The following SLC28A2 variants were observed in gnomAD, a reference collection of about 807,000 sequenced individuals.
SLC28A2 encodes sodium/nucleoside cotransporter 2.
In SLC28A2, 69 loss-of-function variants were observed where a neutral mutation model predicts 72.9. That is an observed-to-expected ratio of 0.95 (90% CI 0.78 to 1.16). The LOEUF (loss-of-function observed/expected upper bound fraction) is 1.16. Ranked by LOEUF, SLC28A2 falls within the 50% of genes most tolerant of loss-of-function variation. The pLI is 0.00. For synonymous variants in SLC28A2, 296 were observed against 294.1 expected (o/e 1.01, Z -0.07); for missense variants, 745 against 791.1 (o/e 0.94, Z 0.70).
chr15:45,272,031 C>G, intron 15 of SLC28A2: 1 of 396,974 alleles, frequency 2.5e-6, no homozygotes, highest in South Asian at 4.2e-5. Flanking sequence ...CCAGATACAT[C>G]TTGGGTATGT....
intron 3 of SLC28A2, among the ~76,000 whole-genome samples, chr15:45,257,265 G>A (rs1900005825): frequency 6.6e-6 from 1 of 152,058 alleles, no homozygotes; most frequent in Non-Finnish European, 1.5e-5. Context: ...ACTGGCCCCA[G>A]TACTAAAAGG....
intron 17 of SLC28A2, among the ~76,000 whole-genome samples, chr15:45,273,018 G>C (rs1316287619): frequency 6.6e-6 from 1 of 152,146 alleles, no homozygotes; most frequent in East Asian, 1.9e-4. Context: ...GAAGAAAAAT[G>C]GTTTCCCTGA....
Position 45,262,085 on chromosome 15 carries a change from C to T in SLC28A2, c.241C>T (p.Leu81=). ...ACACGCCAGCTTGTTCAAGAAGATC[C>T]TGTTGGGCCTGTTGTGTTTGGGTGA... ...KTHASLFKKI[L]LGLLCLAYAA... The change falls in exon 4 of 18, where the codon CTG becomes TTG. Residue 81 remains leucine, a synonymous_variant. Coordinates refer to ENST00000347644, the MANE Select transcript of SLC28A2 (RefSeq NM_004212.4). The T allele has an allele frequency of 6.2e-7, 1 of 1,610,646 alleles. No homozygotes were observed. The highest frequency in any genetic ancestry group is 8.5e-7 in the Non-Finnish European group (1 of 1,177,038).
intron 15 of SLC28A2, chr15:45,272,020 T>A (rs1900587721): frequency 2.7e-6 from 1 of 364,556 alleles, no homozygotes; most frequent in Non-Finnish European, 5.0e-6. Context: ...CCTTGCTTTA[T>A]CCAGATACAT....
chr15:45,266,619 G>A (rs1900345659), intron 10 of SLC28A2, among the ~76,000 whole-genome samples: 1 of 152,188 alleles, frequency 6.6e-6, no homozygotes, highest in South Asian at 2.1e-4. Context: ...TCTGTATGGA[G>A]TAGGTGCTCC....
chr15:45,256,634 C>T (rs888052235), intron 3 of SLC28A2, among the ~76,000 whole-genome samples: 1 of 151,352 alleles, frequency 6.6e-6, no homozygotes, highest in Non-Finnish European at 1.5e-5. Flanking sequence ...GTCTTGAACT[C>T]CTGACCTCAG....
chr15:45,269,490 C>G lies in SLC28A2; in HGVS notation c.1521C>G (p.Leu507=), dbSNP rs548591274. ...QQLSQYKNKR[L]SGMEEWIEGE... is the part of the protein sequence containing the mutation. ...TGTCTCAATACAAGAACAAACGTCTCTCTGGAATGGAGGAGTGGATTGAGG... is the reference window on the plus strand; with the variant it reads ...TGTCTCAATACAAGAACAAACGTCTGTCTGGAATGGAGGAGTGGATTGAGG... The change falls in exon 14 of 18, where the codon CTC becomes CTG. Residue 507 remains leucine (L), a synonymous_variant. Coordinates refer to ENST00000347644, the MANE Select transcript of SLC28A2 (RefSeq NM_004212.4). 2.5e-6 allele frequency: 4 copies of G among 1,614,184 alleles called. No individual in the cohort carries two copies. The African/African-American group carries it at 5.3e-5, about 22-fold the overall frequency.
At chr15:45,271,698 T>C (rs556042982) in intron 15 of SLC28A2, 1 of 152,184 alleles carries the variant, frequency 6.6e-6, no homozygotes, top group African/African-American at 2.4e-5. Context: ...TGGGGTAGAG[T>C]CATTTAATTC....
chr15:45,265,195 TG>T (rs773341658), intron 8 of SLC28A2, 29 bp downstream of exon 8: 1 of 1,400,998 alleles, frequency 7.1e-7, no homozygotes, highest in Non-Finnish European at 1.0e-6. Flanking sequence ...GCAGGAATGA[TG>T]GTCTATGGAG....
chr15:45,265,574 T>A lies in SLC28A2; in HGVS notation c.781-9T>A. On this transcript the variant is annotated splice_polypyrimidine_tract_variant and intron_variant, in intron 8 of 17. Coordinates refer to ENST00000347644, the MANE Select transcript of SLC28A2 (RefSeq NM_004212.4). Reference sequence around the variant, plus strand: ...AACATCTCACCACCTGCTACCATTCTCATTACAGGCCTTACCAATCATCAT... The same window carrying A: ...AACATCTCACCACCTGCTACCATTCACATTACAGGCCTTACCAATCATCAT... The A allele has an allele frequency of 1.2e-6, 2 of 1,604,540 alleles. No homozygotes were observed. Among genetic ancestry groups the A allele is most frequent in the South Asian group, 2.2e-5 (2 of 90,886 alleles).
In SLC28A2 at chr15:45,276,983, A is replaced by AG. The variant is rs11383846; in HGVS notation, c.*1474dup. ...TTTAAAACAGTAATTTTCAGTGGGAAGGGGCCAATTTTGCTTTTCAGAGGA... is the reference window on the plus strand; with the variant it reads ...TTTAAAACAGTAATTTTCAGTGGGAAGGGGGCCAATTTTGCTTTTCAGAGGA... On this transcript the variant is annotated 3_prime_UTR_variant, in exon 18 of 18. Transcript: ENST00000347644. The AG allele has an allele frequency of 0.63, 95,076 of 151,746 alleles. 31,137 individuals are homozygous for AG. Among genetic ancestry groups the AG allele is most frequent in the African/African-American group, 0.71 (29,177 of 41,362 alleles). The allele number at this position is 151,746 out of a possible 1,614,324, so 9.4% of individuals were successfully genotyped here.
rs373938975 is a variant in SLC28A2, at chr15:45,264,407, T to C, written c.589-248T>C. Among the ~76,000 whole-genome samples, 41 of 152,376 alleles carry C rather than the reference T, an allele frequency of 2.7e-4. No individual in the cohort carries two copies. In the South Asian group the frequency reaches 8.1e-3, roughly 30 times the overall value. ...TAAAACTTTTATTTGTATGTATGCA[T>C]GCATATATGTGTGTATAAGTGTCAT... On this transcript the variant is annotated intron_variant, in intron 6 of 17. Coordinates refer to ENST00000347644, the MANE Select transcript of SLC28A2 (RefSeq NM_004212.4).
Position 45,270,203 on chromosome 15 carries a change from T to A in SLC28A2, c.1575T>A (p.Ala525=). 6.2e-7 allele frequency: 1 copy of A among 1,612,630 alleles called. No individual in the cohort carries two copies. Among genetic ancestry groups the A allele is most frequent in the Non-Finnish European group, 8.5e-7 (1 of 1,178,550 alleles). The change falls in exon 15 of 18, where the codon GCT becomes GCA. Residue 525 remains alanine (A), a synonymous_variant. Transcript: ENST00000347644. ...ATTTTTGTTTTCCCTAGGTGAGAGCTGAAATCATTACAACATTTTCACTCT... is the reference window on the plus strand; with the variant it reads ...ATTTTTGTTTTCCCTAGGTGAGAGCAGAAATCATTACAACATTTTCACTCT... ...EGEKQWISVR[A]EIITTFSLCG... is the part of the protein sequence containing the mutation.
Position 45,272,568 on chromosome 15 carries a change from A to C in SLC28A2, c.1748-105A>C, listed in dbSNP as rs369291665. On this transcript the variant is annotated intron_variant, in intron 16 of 17. Transcript: ENST00000347644. ...CCCATGCATTCCACAGATACATGGCAAAGGCACCTAATCAAGAGTGTCCAC... is the reference window on the plus strand; with the variant it reads ...CCCATGCATTCCACAGATACATGGCCAAGGCACCTAATCAAGAGTGTCCAC... 29 of 833,104 alleles carry C rather than the reference A, an allele frequency of 3.5e-5. No homozygotes were observed. In the African/African-American group the frequency reaches 4.4e-4, roughly 13 times the overall value. The allele number at this position is 833,104 out of a possible 1,614,324, so 51.6% of individuals were successfully genotyped here. A position where few individuals can be genotyped will look rare whatever the true frequency, so the allele number is the denominator to read the frequency against.
In SLC28A2 at chr15:45,266,156, G is replaced by C. The variant is rs755053878; in HGVS notation, c.937G>C (p.Gly313Arg). ...GGCTGTGGCAGGAAACATCTTTGTGGGTATGGTAAGCACCTTGAGGACTTT... is the reference window on the plus strand; with the variant it reads ...GGCTGTGGCAGGAAACATCTTTGTGCGTATGGTAAGCACCTTGAGGACTTT... ...TLAVAGNIFV[G>R]MTEAPLLIRP... The change falls in exon 10 of 18, where the codon GGT becomes CGT. Residue 313 changes from glycine to arginine, a missense_variant. Physicochemically the swap from Gly to Arg is moderately radical, Grantham distance 125. Transcript: ENST00000347644. 1.9e-6 allele frequency: 3 copies of C among 1,611,182 alleles called. No homozygotes were observed. The highest frequency in any genetic ancestry group is 2.7e-5 in the African/African-American group (2 of 74,826).
Position 45,264,786 on chromosome 15 carries a change from C to A in SLC28A2, c.702+18C>A. 6.8e-7 allele frequency: 1 copy of A among 1,464,078 alleles called. No homozygotes were observed. Among genetic ancestry groups the A allele is most frequent in the Non-Finnish European group, 9.6e-7 (1 of 1,043,472 alleles). The allele number at this position is 1,464,078 out of a possible 1,614,324, so 90.7% of individuals were successfully genotyped here. A position where few individuals can be genotyped will look rare whatever the true frequency, so the allele number is the denominator to read the frequency against. On this transcript the variant is annotated intron_variant, in intron 7 of 17. Transcript: ENST00000347644. ...AGGTCCAGGTATGAGAAATTAAATG[C>A]GAGGGCTTTTCTCTTTTAGAACCCT...
At chr15:45,269,202 T>C in intron 13 of SLC28A2, 136 bp from the exon 14 acceptor site, 1 of 690,000 alleles carries the variant, frequency 1.4e-6, no homozygotes, top group Non-Finnish European at 2.6e-6. Flanking sequence ...CATGTCCTTC[T>C]GACCCACAGT....
intron 6 of SLC28A2, 81 bp downstream of exon 6, chr15:45,264,103 G>C: frequency 7.5e-7 from 1 of 1,327,724 alleles, no homozygotes; most frequent in Non-Finnish European, 1.0e-6. Flanking sequence ...TGCATCAAGT[G>C]TTAATTACAA....
chr15:45,268,105 C>A, intron 12 of SLC28A2, 105 bp from the exon 13 acceptor site: 1 of 1,127,416 alleles, frequency 8.9e-7, no homozygotes, highest in Non-Finnish European at 1.3e-6. Flanking sequence ...TCTACATTGG[C>A]CTTGCACCCT....
Sources: gnomAD v4.1 joint callset for allele counts (sites outside exome capture counted in the v4.1 genomes callset) on GRCh38, gnomAD v4.1.1 for gene constraint, MANE v1.5 for transcripts, NCBI Gene and HGNC (gene_info 2026-07-23, HGNC 2026-07-21) for gene names.